The following PIK3C3 variants were observed in gnomAD, a reference collection of about 807,000 sequenced individuals.
PIK3C3 encodes PI3-kinase type 3.
A neutral mutation model predicts 126.1 loss-of-function variants in PIK3C3; 95 were observed. That is an observed-to-expected ratio of 0.75 (90% CI 0.64 to 0.89). PIK3C3 has a LOEUF of 0.89. Ranked by LOEUF, PIK3C3 falls within the 40% of genes least tolerant of loss-of-function variation. The pLI is 0.00. For missense variants in PIK3C3, 829 were observed against 1,063.2 expected (o/e 0.78, Z 3.06); for synonymous variants, 374 against 360.0 (o/e 1.04, Z -0.44).
chr18:41,955,853 TG>T (rs1444001130), intron 1 of PIK3C3, among the ~76,000 whole-genome samples: 2 of 142,656 alleles, frequency 1.4e-5, no homozygotes, highest in African/African-American at 2.9e-5. Context: ...AGTGAATCTT[TG>T]GGTAGTATGG....
intron 14 of PIK3C3, 48 bp from the exon 15 acceptor site, chr18:42,029,277 A>G: frequency 1.8e-6 from 2 of 1,095,858 alleles, no homozygotes; most frequent in South Asian, 2.5e-5. Context: ...AGAAATCCAG[A>G]TCATTACGCA....
chr18:42,062,759 C>T (rs1224052844), intron 22 of PIK3C3, among the ~76,000 whole-genome samples: 1 of 152,020 alleles, frequency 6.6e-6, no homozygotes. Flanking sequence ...CTAGTAGGCA[C>T]CTCAGACTCC....
At chr18:42,078,433 C>T (rs983115065) in intron 24 of PIK3C3, among the ~76,000 whole-genome samples, 2 of 132,108 alleles carry the variant, frequency 1.5e-5, no homozygotes, top group Admixed American at 7.4e-5. Flanking sequence ...ATATTATAAA[C>T]AAATATGATA....
chr18:42,015,036 T>G (rs1001717140), intron 11 of PIK3C3, among the ~76,000 whole-genome samples: 1 of 152,206 alleles, frequency 6.6e-6, no homozygotes. Flanking sequence ...TGTAACCTAG[T>G]CTTTTCCAAC....
chr18:42,063,209 A>G (rs1240823003), intron 22 of PIK3C3, among the ~76,000 whole-genome samples: 1 of 152,096 alleles, frequency 6.6e-6, no homozygotes, highest in Non-Finnish European at 1.5e-5. Context: ...TCTTTTAATC[A>G]AGCAGACATA....
chr18:41,969,738 T>C (rs951165975), intron 3 of PIK3C3, among the ~76,000 whole-genome samples: 4 of 152,206 alleles, frequency 2.6e-5, no homozygotes, highest in Admixed American at 1.3e-4. Context: ...CTAAGTACTT[T>C]TTACTTGTAT....
intron 4 of PIK3C3, among the ~76,000 whole-genome samples, chr18:41,974,798 T>C (rs927600989): frequency 3.3e-5 from 5 of 152,328 alleles, no homozygotes; most frequent in Non-Finnish European, 7.3e-5. Flanking sequence ...GTTTTATGAC[T>C]AGAATGCATA....
At chr18:42,005,962 G>A (rs2144386474) in intron 10 of PIK3C3, among the ~76,000 whole-genome samples, 1 of 150,822 alleles carries the variant, frequency 6.6e-6, no homozygotes, top group South Asian at 2.1e-4. Flanking sequence ...CTGACTTCTG[G>A]CCTACTGGCT....
In PIK3C3 at chr18:42,076,151, T is replaced by TATATATGCAC. The variant is rs1219457582; in HGVS notation, c.2650-4966_2650-4965insGCACATATAT. 8.8e-4 allele frequency among the ~76,000 whole-genome samples: 91 copies of TATATATGCAC among 103,738 alleles called. 4 individuals are homozygous for TATATATGCAC. The highest frequency in any genetic ancestry group is 4.7e-3 in the African/African-American group (85 of 18,000). The allele number at this position is 103,738 out of a possible 152,430, so 68.1% of individuals were successfully genotyped here. ...ATATATATATATATATATGCGCATA[T>TATATATGCAC]ATATATATATGCACATATATATATA... On this transcript the variant is annotated intron_variant, in intron 24 of 24. Transcript: ENST00000262039.
chr18:42,061,340 C>T lies in PIK3C3; in HGVS notation c.2432+3289C>T, dbSNP rs140914331. Among the ~76,000 whole-genome samples, 487 of 152,092 alleles carry T rather than the reference C, an allele frequency of 3.2e-3. 1 individual carries two copies. The highest frequency in any genetic ancestry group is 0.011 in the African/African-American group (459 of 41,520). ...GCTCATGCCTGTAATCCCAGCACCT[C>T]GGGAGGTCGAGGCAGGTAGATAACT... On this transcript the variant is annotated intron_variant, in intron 22 of 24. Coordinates refer to ENST00000262039, the MANE Select transcript of PIK3C3 (RefSeq NM_002647.4).
At chr18:42,002,461 T>C (rs1982334418) in intron 9 of PIK3C3, among the ~76,000 whole-genome samples, 1 of 152,204 alleles carries the variant, frequency 6.6e-6, no homozygotes, top group East Asian at 1.9e-4. Flanking sequence ...GGAAAGGTTG[T>C]CCACATCGTA....
chr18:41,999,554 A>G (rs1982184791), intron 9 of PIK3C3, among the ~76,000 whole-genome samples: 1 of 152,194 alleles, frequency 6.6e-6, no homozygotes, highest in Non-Finnish European at 1.5e-5. Flanking sequence ...TCAGTTCAGC[A>G]AGTATTCATT....
At chr18:42,029,142 A>G in intron 14 of PIK3C3, among the ~76,000 whole-genome samples, 183 bp from the exon 15 acceptor site, 1 of 152,340 alleles carries the variant, frequency 6.6e-6, no homozygotes, top group African/African-American at 2.4e-5. Flanking sequence ...TGGATGGATT[A>G]GTGGTGTTTA....
chr18:42,020,594 C>A, intron 12 of PIK3C3, 44 bp from the exon 13 acceptor site: 3 of 1,204,834 alleles, frequency 2.5e-6, no homozygotes, highest in Non-Finnish European at 3.6e-6. Context: ...TCCCCCATTA[C>A]TAGTAGATGA....
chr18:42,056,623 A>G (rs1490293867), intron 21 of PIK3C3, among the ~76,000 whole-genome samples: 1 of 152,186 alleles, frequency 6.6e-6, no homozygotes, highest in African/African-American at 2.4e-5. Flanking sequence ...TTTGGGGCAG[A>G]ATCATGTGTA....
chr18:42,059,080 C>T (rs895123890), intron 22 of PIK3C3, among the ~76,000 whole-genome samples: 2 of 152,170 alleles, frequency 1.3e-5, no homozygotes, highest in African/African-American at 2.4e-5. Flanking sequence ...GAGAACCCTC[C>T]GAATTCCTGC....
At chr18:42,077,673 C>T (rs1017532466) in intron 24 of PIK3C3, among the ~76,000 whole-genome samples, 3 of 152,176 alleles carry the variant, frequency 2.0e-5, no homozygotes, top group Admixed American at 6.5e-5. Flanking sequence ...CTCTACTGAA[C>T]TCTTGAACCC....
chr18:42,059,127 T>C (rs1985202909), intron 22 of PIK3C3, among the ~76,000 whole-genome samples: 1 of 152,336 alleles, frequency 6.6e-6, no homozygotes, highest in South Asian at 2.1e-4. Flanking sequence ...CCAGTTAATG[T>C]TGATGTGTTG....
At chr18:41,985,568 G>T (rs568178942) in intron 4 of PIK3C3, among the ~76,000 whole-genome samples, 1 of 152,106 alleles carries the variant, frequency 6.6e-6, no homozygotes, top group Non-Finnish European at 1.5e-5. Flanking sequence ...TTCATAGTGT[G>T]TGTGTACTCT....
Sources: allele counts gnomAD v4.1 joint callset (sites outside exome capture counted in the v4.1 genomes callset), GRCh38; gene constraint gnomAD v4.1.1; transcripts MANE v1.5; gene names NCBI Gene and HGNC (gene_info 2026-07-23, HGNC 2026-07-21).